IMMP2L: variants seen among roughly 807,000 people sequenced by gnomAD.
IMMP2L encodes the protein mitochondrial inner membrane protease subunit 2.
Under a neutral mutation model 19.3 loss-of-function variants are expected in IMMP2L, and 18 were observed. The observed-to-expected ratio is 0.93, with a 90% confidence interval of 0.64 to 1.38. The LOEUF (loss-of-function observed/expected upper bound fraction) is 1.38, where lower values mean the gene tolerates loss of function less well. IMMP2L is among the 40% of genes most tolerant of loss of function. The pLI, the probability that IMMP2L is intolerant of heterozygous loss-of-function variation, is 0.00. For missense variants in IMMP2L, 233 were observed against 218.2 expected, an observed-to-expected ratio of 1.07 and a Z score of -0.43; for synonymous variants, 76 against 73.0, an observed-to-expected ratio of 1.04 and a Z score of -0.21.
intron 5 of IMMP2L, among the ~76,000 whole-genome samples, chr7:110,762,714 T>C (rs1047516936): frequency 6.6e-6 from 1 of 152,188 alleles, no homozygotes; most frequent in Middle Eastern, 3.2e-3. Flanking sequence ...TCTTATCTGC[T>C]GAACTGAGTT....
intron 3 of IMMP2L, among the ~76,000 whole-genome samples, chr7:111,284,144 A>T (rs1280509448): frequency 6.6e-6 from 1 of 150,530 alleles, no homozygotes; most frequent in East Asian, 1.9e-4. Context: ...TACGGGCTCA[A>T]TGCTGGGAAC....
intron 3 of IMMP2L, among the ~76,000 whole-genome samples, chr7:111,189,140 T>C (rs1808594236): frequency 6.6e-6 from 1 of 152,114 alleles, no homozygotes; most frequent in South Asian, 2.1e-4. Context: ...AGATAATTCA[T>C]GTATACTTTT....
intron 3 of IMMP2L, among the ~76,000 whole-genome samples, chr7:111,047,638 T>C (rs1293187277): frequency 6.6e-6 from 1 of 152,206 alleles, no homozygotes; most frequent in Non-Finnish European, 1.5e-5. Context: ...CTCATCTAAC[T>C]GTATGCTAAT....
intron 2 of IMMP2L, among the ~76,000 whole-genome samples, chr7:111,508,022 T>C (rs1049240069): frequency 2.0e-5 from 3 of 152,086 alleles, no homozygotes; most frequent in Non-Finnish European, 4.4e-5. Context: ...CACAAATCAA[T>C]GAGGGAGGCC....
chr7:110,871,583 G>A (rs188158072), intron 5 of IMMP2L, among the ~76,000 whole-genome samples: 40 of 152,212 alleles, frequency 2.6e-4, no homozygotes, highest in African/African-American at 3.4e-4. Flanking sequence ...CAACATGAAC[G>A]TGATGCTGAC....
chr7:110,669,136 T>G, intron 5 of IMMP2L, among the ~76,000 whole-genome samples: 1 of 149,030 alleles, frequency 6.7e-6, no homozygotes, highest in South Asian at 2.1e-4. Flanking sequence ...AAGAGAGATT[T>G]ATCTTTAAGG....
intron 3 of IMMP2L, among the ~76,000 whole-genome samples, chr7:111,102,609 G>A (rs751837131): frequency 1.6e-4 from 25 of 151,546 alleles, no homozygotes; most frequent in African/African-American, 5.1e-4. Context: ...AAGAGAGAGA[G>A]AAAAATTACT....
chr7:111,096,346 A>G (rs2129578827), intron 3 of IMMP2L, among the ~76,000 whole-genome samples: 1 of 151,950 alleles, frequency 6.6e-6, no homozygotes, highest in East Asian at 1.9e-4. Context: ...GAAGTTAGTA[A>G]TAAATGTTAG....
intron 3 of IMMP2L, among the ~76,000 whole-genome samples, chr7:111,419,852 T>C (rs1835317748): frequency 6.6e-6 from 1 of 151,712 alleles, no homozygotes; most frequent in African/African-American, 2.4e-5. Context: ...TTTACTGCCC[T>C]TACTCAAAAA....
At chr7:111,251,868 AC>A (rs1001181013) in intron 3 of IMMP2L, among the ~76,000 whole-genome samples, 14 of 151,554 alleles carry the variant, frequency 9.2e-5, no homozygotes, top group African/African-American at 7.3e-5. Context: ...CAAACTGCAC[AC>A]CCCCCAGAAC....
intron 4 of IMMP2L, among the ~76,000 whole-genome samples, chr7:110,914,124 G>C (rs544353434): frequency 6.6e-6 from 1 of 152,132 alleles, no homozygotes; most frequent in East Asian, 1.9e-4. Context: ...GACCACGTCC[G>C]CATCTTGGTA....
intron 3 of IMMP2L, among the ~76,000 whole-genome samples, chr7:111,424,930 A>G (rs1835921735): frequency 1.3e-5 from 2 of 151,890 alleles, no homozygotes; most frequent in African/African-American, 4.8e-5. Flanking sequence ...TGCTGCCATT[A>G]TAGCAATTAT....
intron 3 of IMMP2L, among the ~76,000 whole-genome samples, chr7:111,419,588 T>C (rs902495997): frequency 6.6e-6 from 1 of 151,760 alleles, no homozygotes; most frequent in Non-Finnish European, 1.5e-5. Flanking sequence ...ACCTATGACC[T>C]GGAAGTCCCC....
intron 3 of IMMP2L, among the ~76,000 whole-genome samples, chr7:111,290,504 TAA>T (rs111672588): frequency 1.1e-4 from 16 of 147,260 alleles, no homozygotes; most frequent in African/African-American, 3.0e-4. Context: ...GACTTCTTTT[TAA>T]AAAAAAAAAA....
At chr7:111,214,331 CTTTTTTTTTTT>C (rs1169450523) in intron 3 of IMMP2L, among the ~76,000 whole-genome samples, 4 of 82,194 alleles carry the variant, frequency 4.9e-5, no homozygotes, top group South Asian at 4.4e-4. Flanking sequence ...AATTTTTCTT[CTTTTTTTTTTT>C]TTTTTTTTTT....
intron 5 of IMMP2L, among the ~76,000 whole-genome samples, chr7:110,747,386 C>T (rs1433155363): frequency 1.3e-5 from 2 of 152,270 alleles, no homozygotes; most frequent in Non-Finnish European, 2.9e-5. Flanking sequence ...GGGAATCCTT[C>T]CTAACTCATT....
chr7:110,832,358 G>A (rs952770994), intron 5 of IMMP2L, among the ~76,000 whole-genome samples: 1 of 152,112 alleles, frequency 6.6e-6, no homozygotes, highest in Admixed American at 6.5e-5. Flanking sequence ...ATATTCATGG[G>A]TTTTGCTAAA....
At chr7:111,440,298 C>T (rs1184072268) in intron 3 of IMMP2L, among the ~76,000 whole-genome samples, 2 of 151,832 alleles carry the variant, frequency 1.3e-5, no homozygotes, top group Non-Finnish European at 2.9e-5. Context: ...GAATCGTTAT[C>T]TATGGCAGCT....
chr7:111,493,279 T>C (rs893627668), intron 2 of IMMP2L, among the ~76,000 whole-genome samples: 6 of 152,174 alleles, frequency 3.9e-5, no homozygotes, highest in African/African-American at 1.4e-4. Context: ...TGTTTATTTA[T>C]TAATCTAACA....
Sources: allele counts gnomAD v4.1 joint callset (sites outside exome capture counted in the v4.1 genomes callset), GRCh38; gene constraint gnomAD v4.1.1; transcripts MANE v1.5; gene names NCBI Gene and HGNC (gene_info 2026-07-23, HGNC 2026-07-21).